Variants in COL21A1 observed in about 807,000 individuals in gnomAD.
The protein encoded by COL21A1 is collagen type XXI alpha 1 chain.
In COL21A1, 149 loss-of-function variants were observed where a neutral mutation model predicts 137.9. The observed-to-expected ratio is 1.08, with a 90% confidence interval of 0.95 to 1.24. The LOEUF is 1.24. COL21A1 is among the 50% of genes most tolerant of loss of function. The pLI is 0.00. For missense variants in COL21A1, 1,167 were observed against 1,158.4 expected, an observed-to-expected ratio of 1.01 and a Z score of -0.11; for synonymous variants, 456 against 391.5, an observed-to-expected ratio of 1.16 and a Z score of -1.95.
chr6:56,350,296 G>A lies in COL21A1; in HGVS notation c.-39+43675C>T, dbSNP rs184961963. Among the ~76,000 whole-genome samples the A allele has an allele frequency of 3.3e-5, 5 of 152,308 alleles. No individual in the cohort carries two copies. In the East Asian group the frequency reaches 9.7e-4, roughly 29 times the overall value. On this transcript the variant is annotated intron_variant, in intron 1 of 28. Transcript: ENST00000370819. ...ATGATGGCATGGGCAGGTGAAAAGGGTGATGTGAAGGAGCAACAGAGAGGA... is the reference window on the plus strand; with the variant it reads ...ATGATGGCATGGGCAGGTGAAAAGGATGATGTGAAGGAGCAACAGAGAGGA...
At chr6:56,382,703 A>C (rs570212890) in intron 1 of COL21A1, among the ~76,000 whole-genome samples, 20 of 152,166 alleles carry the variant, frequency 1.3e-4, no homozygotes, top group Non-Finnish European at 2.8e-4. Context: ...CACTGCAAAA[A>C]AACAGCTGGA....
chr6:56,163,941 G>T (rs1011103993), intron 9 of COL21A1, among the ~76,000 whole-genome samples: 1 of 152,128 alleles, frequency 6.6e-6, no homozygotes, highest in East Asian at 1.9e-4. Flanking sequence ...ATGATTAAGT[G>T]AAATAAATGT....
rs144788028 is a variant in COL21A1 at position 56,166,272 on chromosome 6, C to A, written c.1278+634G>T. Among the ~76,000 whole-genome samples, 11 of 152,216 alleles carry A rather than the reference C, an allele frequency of 7.2e-5. No individual in the cohort carries two copies. The East Asian group carries it at 1.9e-3, about 27-fold the overall frequency. On this transcript the variant is annotated intron_variant, in intron 7 of 29. Coordinates refer to ENST00000244728, the MANE Select transcript of COL21A1 (RefSeq NM_030820.4). ...TATAATAATGTATTTCACACACTGA[C>A]ATTCAAAGCATCCTACATTTTTCTG...
chr6:56,173,100 G>A (rs1182634697), intron 3 of COL21A1, among the ~76,000 whole-genome samples: 1 of 152,106 alleles, frequency 6.6e-6, no homozygotes, highest in East Asian at 1.9e-4. Flanking sequence ...AGTACATAGA[G>A]AGACTGAATG....
At position 56,097,963 on chromosome 6, in the gene COL21A1, A is replaced by G. The variant is rs1185101954; in HGVS notation, c.1812+3509T>C. 1.8e-3 allele frequency among the ~76,000 whole-genome samples: 129 copies of G among 71,900 alleles called. 7 individuals are homozygous for G. The highest frequency in any genetic ancestry group is 0.02 in the Middle Eastern group (2 of 100). The allele number at this position is 71,900 out of a possible 152,430, so 47.2% of individuals were successfully genotyped here. On this transcript the variant is annotated intron_variant, in intron 17 of 29. Transcript: ENST00000244728. ...AATATATATAAATATAAAAATATAT[A>G]TAAATATATAAATATATATAAATAT...
chr6:56,120,883 G>T (rs985608734), intron 16 of COL21A1, among the ~76,000 whole-genome samples: 1 of 151,904 alleles, frequency 6.6e-6, no homozygotes, highest in Non-Finnish European at 1.5e-5. Flanking sequence ...AAGAAGAAAG[G>T]AAATCAGCAT....
At chr6:56,382,488 C>T (rs567827035) in intron 1 of COL21A1, among the ~76,000 whole-genome samples, 4 of 152,108 alleles carry the variant, frequency 2.6e-5, no homozygotes, top group Non-Finnish European at 5.9e-5. Flanking sequence ...TAGCCCACTC[C>T]AAAAATTCAT....
chr6:56,087,901 T>C (rs1303013729), intron 17 of COL21A1, among the ~76,000 whole-genome samples: 1 of 152,158 alleles, frequency 6.6e-6, no homozygotes, highest in Non-Finnish European at 1.5e-5. Flanking sequence ...TGCTGCTGCT[T>C]TGTTGGCAGA....
intron 16 of COL21A1, among the ~76,000 whole-genome samples, chr6:56,108,788 C>T (rs1306074531): frequency 6.6e-6 from 1 of 151,716 alleles, no homozygotes; most frequent in Non-Finnish European, 1.5e-5. Flanking sequence ...AGAGATTTAC[C>T]TTCTCATATG....
intron 1 of COL21A1, among the ~76,000 whole-genome samples, chr6:56,244,908 C>T (rs1782557169): frequency 6.6e-6 from 1 of 152,134 alleles, no homozygotes; most frequent in African/African-American, 2.4e-5. Context: ...CAGTTCCAAT[C>T]AAATAATGTG....
chr6:56,177,467 TAA>T (rs1325473748), intron 3 of COL21A1, among the ~76,000 whole-genome samples: 9 of 152,134 alleles, frequency 5.9e-5, no homozygotes, highest in Non-Finnish European at 1.2e-4. Context: ...TGTTTTAGTT[TAA>T]TGCATTAATC....
intron 1 of COL21A1, among the ~76,000 whole-genome samples, chr6:56,343,945 C>T (rs1765528437): frequency 6.6e-6 from 1 of 152,190 alleles, no homozygotes. Flanking sequence ...GACACTGTCT[C>T]ACACACACAA....
intron 1 of COL21A1, among the ~76,000 whole-genome samples, chr6:56,196,575 C>A (rs532660895): frequency 6.6e-6 from 1 of 152,044 alleles, no homozygotes; most frequent in East Asian, 1.9e-4. Context: ...TAATAATGAA[C>A]TATCCTAAAA....
intron 1 of COL21A1, among the ~76,000 whole-genome samples, chr6:56,300,941 G>A (rs979069001): frequency 2.6e-5 from 4 of 151,888 alleles, no homozygotes; most frequent in South Asian, 2.1e-4. Context: ...ATTTCATTCC[G>A]ACAAACATAT....
intron 1 of COL21A1, among the ~76,000 whole-genome samples, chr6:56,351,916 C>G (rs1381248852): frequency 6.6e-6 from 1 of 152,130 alleles, no homozygotes; most frequent in Admixed American, 6.5e-5. Context: ...ATGAAGCACT[C>G]ACTTTGGACA....
At chr6:56,288,503 G>T (rs1410195034) in intron 1 of COL21A1, among the ~76,000 whole-genome samples, 2 of 152,168 alleles carry the variant, frequency 1.3e-5, no homozygotes, top group Non-Finnish European at 2.9e-5. Context: ...ATTTTAAAAT[G>T]ACTCAGTGTT....
At chr6:56,226,260 C>A (rs186096938) in intron 1 of COL21A1, among the ~76,000 whole-genome samples, 1 of 151,984 alleles carries the variant, frequency 6.6e-6, no homozygotes, top group Non-Finnish European at 1.5e-5. Flanking sequence ...GCTTTCTTCA[C>A]CTGGAAATAT....
At chr6:56,101,599 A>G in intron 16 of COL21A1, 74 bp from the exon 17 acceptor site, 2 of 998,422 alleles carry the variant, frequency 2.0e-6, no homozygotes, top group Non-Finnish European at 3.0e-6. Context: ...AATATATAAC[A>G]TTACATATTA....
chr6:56,349,961 G>T (rs1274586950), intron 1 of COL21A1, among the ~76,000 whole-genome samples: 1 of 152,174 alleles, frequency 6.6e-6, no homozygotes, highest in East Asian at 1.9e-4. Context: ...TGTGAACTCT[G>T]TTGGGATCCT....
Sources: allele counts gnomAD v4.1 joint callset (sites outside exome capture counted in the v4.1 genomes callset), GRCh38; gene constraint gnomAD v4.1.1; transcripts MANE v1.5; gene names NCBI Gene and HGNC (gene_info 2026-07-23, HGNC 2026-07-21).